The following PCDH15 variants were observed in gnomAD, a reference collection of about 807,000 sequenced individuals.
PCDH15 encodes protocadherin related 15.
In PCDH15, 129 loss-of-function variants were observed where a neutral mutation model predicts 178.5. That is an observed-to-expected ratio of 0.72 (90% confidence interval 0.63 to 0.84). The LOEUF is 0.84. Among genes scored for constraint, PCDH15 ranks in the 40% least tolerant of loss-of-function variants. PCDH15 has a pLI of 0.00. For missense variants in PCDH15, 2,230 were observed against 2,099.9 expected, an observed-to-expected ratio of 1.06 and a Z score of -1.21; for synonymous variants, 800 against 732.0, an observed-to-expected ratio of 1.09 and a Z score of -1.50.
intron 1 of PCDH15, among the ~76,000 whole-genome samples, chr10:55,267,662 C>T (rs1349911420): frequency 6.6e-6 from 1 of 152,094 alleles, no homozygotes; most frequent in Non-Finnish European, 1.5e-5. Flanking sequence ...GCATGTTTTT[C>T]TTATTCAAAA....
At chr10:54,995,411 GA>G (rs1194857240) in intron 2 of PCDH15, among the ~76,000 whole-genome samples, 3 of 145,282 alleles carry the variant, frequency 2.1e-5, no homozygotes, top group Non-Finnish European at 4.5e-5. Flanking sequence ...AAAAAAGAAG[GA>G]AAAAAATTAT....
intron 26 of PCDH15, among the ~76,000 whole-genome samples, chr10:53,889,069 C>G: frequency 6.7e-6 from 1 of 149,472 alleles, no homozygotes; most frequent in South Asian, 2.1e-4. Context: ...TCCAAACACA[C>G]AAAAAAATCC....
intron 5 of PCDH15, 146 bp downstream of exon 5, chr10:54,368,974 T>C (rs1947228580): frequency 2.4e-6 from 2 of 846,000 alleles, no homozygotes; most frequent in Admixed American, 4.5e-5. Context: ...ACATACTTCT[T>C]CTGAGTACTA....
chr10:55,104,955 CA>C (rs1013203400), intron 2 of PCDH15, among the ~76,000 whole-genome samples: 3 of 152,146 alleles, frequency 2.0e-5, no homozygotes, highest in African/African-American at 7.2e-5. Context: ...GTGTTTTAAG[CA>C]GATACGCACA....
intron 2 of PCDH15, among the ~76,000 whole-genome samples, chr10:54,558,279 A>T (rs1029100339): frequency 6.6e-6 from 1 of 152,150 alleles, no homozygotes; most frequent in African/African-American, 2.4e-5. Flanking sequence ...CTATGAAAGG[A>T]TAAAATCATA....
chr10:54,650,965 G>C (rs1218751886), intron 2 of PCDH15, among the ~76,000 whole-genome samples: 2 of 151,996 alleles, frequency 1.3e-5, no homozygotes, highest in Non-Finnish European at 2.9e-5. Context: ...AAATAAGTAG[G>C]AACATTACTT....
intron 2 of PCDH15, among the ~76,000 whole-genome samples, chr10:55,564,089 T>A (rs1842253107): frequency 6.6e-6 from 1 of 151,846 alleles, no homozygotes; most frequent in African/African-American, 2.4e-5. Flanking sequence ...GAGACTAATA[T>A]ATTAAACAAT....
chr10:54,387,440 G>C (rs1462291287), intron 3 of PCDH15, among the ~76,000 whole-genome samples: 1 of 152,160 alleles, frequency 6.6e-6, no homozygotes, highest in East Asian at 1.9e-4. Context: ...TGGATCAACA[G>C]TGAGGCTGGT....
intron 1 of PCDH15, among the ~76,000 whole-genome samples, chr10:55,179,945 G>A (rs1839596290): frequency 2.0e-5 from 3 of 152,006 alleles, no homozygotes; most frequent in Admixed American, 2.0e-4. Flanking sequence ...GTGCATAGAT[G>A]TGCCTAAGAT....
intron 2 of PCDH15, among the ~76,000 whole-genome samples, chr10:55,086,338 T>C (rs1209356303): frequency 6.6e-6 from 1 of 152,022 alleles, no homozygotes; most frequent in East Asian, 1.9e-4. Flanking sequence ...TATAAGATTG[T>C]CTGAATTTTG....
intron 3 of PCDH15, among the ~76,000 whole-genome samples, chr10:54,454,236 A>T (rs1005603865): frequency 1.3e-5 from 2 of 149,494 alleles, no homozygotes; most frequent in South Asian, 2.1e-4. Context: ...CAATAAGGCA[A>T]ATACACAATG....
At chr10:54,673,021 T>G (rs893724277) in intron 1 of PCDH15, among the ~76,000 whole-genome samples, 2 of 152,202 alleles carry the variant, frequency 1.3e-5, no homozygotes, top group Admixed American at 1.3e-4. Context: ...TAATTTTTTT[T>G]CTTAAATCTG....
chr10:55,540,772 T>C (rs1841742091), intron 2 of PCDH15, among the ~76,000 whole-genome samples: 1 of 152,076 alleles, frequency 6.6e-6, no homozygotes. Flanking sequence ...ACTGAATTAT[T>C]TGATTATTGC....
intron 1 of PCDH15, among the ~76,000 whole-genome samples, chr10:54,735,133 G>T (rs1943930285): frequency 6.6e-6 from 1 of 151,808 alleles, no homozygotes; most frequent in Admixed American, 6.6e-5. Flanking sequence ...TCCCTTTATA[G>T]AAATTCTCAT....
chr10:55,329,573 T>A (rs1225164897), intron 2 of PCDH15, among the ~76,000 whole-genome samples: 1 of 151,792 alleles, frequency 6.6e-6, no homozygotes, highest in Non-Finnish European at 1.5e-5. Context: ...AATTATAGTT[T>A]GTTAAGGGAG....
At chr10:54,986,284 C>T (rs2178642) in intron 2 of PCDH15, among the ~76,000 whole-genome samples, 55,098 of 151,228 alleles carry the variant, frequency 0.36, 12,186 homozygotes, top group African/African-American at 0.62. Flanking sequence ...AAACTTGAAA[C>T]ATGTAGGTAC....
chr10:54,698,815 G>A (rs978293811), intron 1 of PCDH15, among the ~76,000 whole-genome samples: 2 of 152,012 alleles, frequency 1.3e-5, no homozygotes, highest in African/African-American at 2.4e-5. Context: ...CCTGACAACT[G>A]AGCCACTTTT....
intron 2 of PCDH15, among the ~76,000 whole-genome samples, chr10:55,073,827 C>A (rs1057380156): frequency 5.9e-4 from 90 of 152,060 alleles, no homozygotes; most frequent in African/African-American, 2.0e-3. Flanking sequence ...CTCACTACTT[C>A]TTTTAAGTAC....
At chr10:54,786,519 G>C (rs1950891799) in intron 1 of PCDH15, among the ~76,000 whole-genome samples, 1 of 151,980 alleles carries the variant, frequency 6.6e-6, no homozygotes, top group Admixed American at 6.6e-5. Context: ...ATAAAGTACA[G>C]ATTATTCACA....
Sources: allele counts gnomAD v4.1 joint callset (sites outside exome capture counted in the v4.1 genomes callset), GRCh38; gene constraint gnomAD v4.1.1; transcripts MANE v1.5; gene names NCBI Gene and HGNC (gene_info 2026-07-23, HGNC 2026-07-21).